Variants in CADM2 observed in about 807,000 individuals in gnomAD.
CADM2 encodes the protein cell adhesion molecule 2.
A neutral mutation model predicts 49.8 loss-of-function variants in CADM2; 12 were observed. That is an observed-to-expected ratio of 0.24 (90% CI 0.15 to 0.39). The LOEUF (loss-of-function observed/expected upper bound fraction) is 0.39. CADM2 is among the 10% of genes least tolerant of loss of function. The pLI is 1.00. For missense variants in CADM2, 378 were observed against 492.3 expected, an observed-to-expected ratio of 0.77 and a Z score of 2.20; for synonymous variants, 214 against 175.4, an observed-to-expected ratio of 1.22 and a Z score of -1.74.
intron 7 of CADM2, among the ~76,000 whole-genome samples, chr3:85,960,063 G>T (rs1377110752): frequency 1.3e-5 from 2 of 151,748 alleles, no homozygotes; most frequent in African/African-American, 2.4e-5. Context: ...TAGGAGCTGG[G>T]GGAGAAGACA....
chr3:85,126,512 GTA>G, intron 1 of CADM2, among the ~76,000 whole-genome samples: 1 of 152,220 alleles, frequency 6.6e-6, no homozygotes, highest in South Asian at 2.1e-4. Context: ...TTTTGTGTGT[GTA>G]TGTTTTAAAA....
intron 3 of CADM2, among the ~76,000 whole-genome samples, chr3:85,878,944 G>A (rs1712332696): frequency 6.6e-6 from 1 of 151,710 alleles, no homozygotes; most frequent in Admixed American, 6.6e-5. Flanking sequence ...TATCACAGCA[G>A]GAATTTGAGA....
At chr3:85,691,930 A>T (rs974517727) in intron 1 of CADM2, among the ~76,000 whole-genome samples, 37 of 152,192 alleles carry the variant, frequency 2.4e-4, no homozygotes, top group African/African-American at 8.7e-4. Flanking sequence ...AACAATGAGA[A>T]CACATGGACA....
chr3:85,321,112 ATATATTTTTTTTTTTTTTTTTTTTT>A (rs2044592903), intron 1 of CADM2, among the ~76,000 whole-genome samples: 3 of 35,848 alleles, frequency 8.4e-5, no homozygotes, highest in Non-Finnish European at 1.2e-4. Flanking sequence ...ATATATATAT[ATATATTTTTTTTTTTTTTTTTTTTT>A]TTTTTTTTTT....
intron 2 of CADM2, among the ~76,000 whole-genome samples, chr3:85,772,844 C>G (rs1244392636): frequency 1.3e-5 from 2 of 150,688 alleles, no homozygotes; most frequent in African/African-American, 4.9e-5. Context: ...CTTAGGTGTA[C>G]AGTAACTCAG....
chr3:85,120,274 G>A (rs996786978), intron 1 of CADM2, among the ~76,000 whole-genome samples: 1 of 152,134 alleles, frequency 6.6e-6, no homozygotes, highest in Non-Finnish European at 1.5e-5. Flanking sequence ...AGACAGTGTG[G>A]CGATTCCTCA....
intron 1 of CADM2, among the ~76,000 whole-genome samples, chr3:85,328,424 T>G (rs965700461): frequency 5.3e-5 from 8 of 152,238 alleles, no homozygotes; most frequent in African/African-American, 1.9e-4. Context: ...TCCAATTTCA[T>G]CTGCCAACAT....
At chr3:85,087,971 T>A (rs1319962341) in intron 1 of CADM2, among the ~76,000 whole-genome samples, 1 of 152,136 alleles carries the variant, frequency 6.6e-6, no homozygotes, top group Non-Finnish European at 1.5e-5. Context: ...AGTGTCTCAT[T>A]CCTGTTTACA....
At chr3:86,032,578 G>T (rs1310827809) in intron 8 of CADM2, among the ~76,000 whole-genome samples, 2 of 151,756 alleles carry the variant, frequency 1.3e-5, no homozygotes, top group African/African-American at 4.8e-5. Context: ...TGTAGTAAAA[G>T]CATAAGATGG....
At chr3:85,531,353 T>C (rs2061304952) in intron 1 of CADM2, among the ~76,000 whole-genome samples, 1 of 152,210 alleles carries the variant, frequency 6.6e-6, no homozygotes, top group Non-Finnish European at 1.5e-5. Context: ...GGTGGTTGTT[T>C]CAGTGTAAGC....
intron 1 of CADM2, among the ~76,000 whole-genome samples, chr3:85,519,781 C>T (rs1007059871): frequency 7.9e-5 from 12 of 152,010 alleles, no homozygotes; most frequent in Admixed American, 3.3e-4. Context: ...ATTTTCTATT[C>T]GGAAGAAATA....
Position 85,160,266 on chromosome 3 carries a change from A to AT in CADM2, c.61+200606dup, listed in dbSNP as rs199550008. 8.1e-3 allele frequency among the ~76,000 whole-genome samples: 1,234 copies of AT among 151,918 alleles called. 19 individuals carry two copies. Among genetic ancestry groups the AT allele is most frequent in the African/African-American group, 0.028 (1,172 of 41,446 alleles). On this transcript the variant is annotated intron_variant, in intron 1 of 9. Transcript: ENST00000383699. ...TTTCTTCCCAAACCCAAAATTATTC[A>AT]TTTTTTTTCTTATAGCTCCATTGTT...
In CADM2 at chr3:85,163,634, A is replaced by G. The variant is rs186253828; in HGVS notation, c.61+203966A>G. ...CACATACCCTCATCTCAAAATTAGAACAGCTTGTGTTAAAACATAAAGACT... is the reference window on the plus strand; with the variant it reads ...CACATACCCTCATCTCAAAATTAGAGCAGCTTGTGTTAAAACATAAAGACT... On this transcript the variant is annotated intron_variant, in intron 1 of 9. Transcript: ENST00000383699. Among the ~76,000 whole-genome samples, 7 of 152,192 alleles carry G rather than the reference A, an allele frequency of 4.6e-5. No individual in the cohort carries two copies. The East Asian group carries it at 7.7e-4, about 17-fold the overall frequency.
At chr3:85,486,659 G>T (rs1417331758) in intron 1 of CADM2, among the ~76,000 whole-genome samples, 1 of 152,024 alleles carries the variant, frequency 6.6e-6, no homozygotes, top group Non-Finnish European at 1.5e-5. Flanking sequence ...GTTCCCAACA[G>T]ATTTGATTAT....
chr3:85,083,473 C>A (rs2037250223), intron 1 of CADM2, among the ~76,000 whole-genome samples: 1 of 152,106 alleles, frequency 6.6e-6, no homozygotes, highest in East Asian at 1.9e-4. Flanking sequence ...TTTTGAAATG[C>A]TATCTTCGTC....
chr3:85,619,494 T>C (rs2063906243), intron 1 of CADM2, among the ~76,000 whole-genome samples: 1 of 152,158 alleles, frequency 6.6e-6, no homozygotes, highest in Non-Finnish European at 1.5e-5. Flanking sequence ...TCTGTGGAGA[T>C]CACTGCAAAT....
intron 2 of CADM2, among the ~76,000 whole-genome samples, chr3:85,765,133 C>G (rs529334629): frequency 1.3e-5 from 2 of 152,104 alleles, no homozygotes; most frequent in South Asian, 4.1e-4. Flanking sequence ...AGTATGTTTT[C>G]TAAGCTTTCG....
chr3:84,984,049 A>ATG (rs2032382757), intron 1 of CADM2, among the ~76,000 whole-genome samples: 1 of 43,692 alleles, frequency 2.3e-5, no homozygotes, highest in African/African-American at 1.0e-4. Flanking sequence ...ATATATATAT[A>ATG]CACACACACA....
At chr3:86,032,462 T>A (rs1387925992) in intron 8 of CADM2, among the ~76,000 whole-genome samples, 1 of 151,828 alleles carries the variant, frequency 6.6e-6, no homozygotes, top group African/African-American at 2.4e-5. Flanking sequence ...CAGAAAGCAA[T>A]AGCTAAAAGA....
Sources: gnomAD v4.1 joint callset for allele counts (sites outside exome capture counted in the v4.1 genomes callset) on GRCh38, gnomAD v4.1.1 for gene constraint, MANE v1.5 for transcripts, NCBI Gene and HGNC (gene_info 2026-07-23, HGNC 2026-07-21) for gene names.